The following RBFOX1 variants were observed in gnomAD, a reference collection of about 807,000 sequenced individuals.
The protein encoded by RBFOX1 is RNA binding protein fox-1 homolog 1.
RBFOX1 carries 8 observed loss-of-function variants against 57.7 expected under a neutral mutation model. The ratio of observed to expected loss-of-function variants is 0.14; its 90% CI spans 0.08 to 0.25. The LOEUF (loss-of-function observed/expected upper bound fraction) is 0.25. Ranked by LOEUF, RBFOX1 falls within the 10% of genes least tolerant of loss-of-function variation. The probability of loss-of-function intolerance (pLI) is 1.00; values close to 1 mark genes in which losing one functional copy is unlikely to be tolerated. For synonymous variants in RBFOX1, 326 were observed against 222.4 expected, an observed-to-expected ratio of 1.47 and a Z score of -4.15; for missense variants, 611 against 548.5, an observed-to-expected ratio of 1.11 and a Z score of -1.14.
At chr16:6,860,029 G>A (rs568240764) in intron 3 of RBFOX1, among the ~76,000 whole-genome samples, 1 of 152,274 alleles carries the variant, frequency 6.6e-6, no homozygotes, top group South Asian at 2.1e-4. Context: ...CACCACAAGG[G>A]TACCTGATGG....
chr16:6,973,905 T>C (rs2153574445), intron 3 of RBFOX1, among the ~76,000 whole-genome samples: 1 of 152,286 alleles, frequency 6.6e-6, no homozygotes, highest in Non-Finnish European at 1.5e-5. Flanking sequence ...CAGCATACAT[T>C]AGCTTTTATC....
At chr16:6,766,029 G>T (rs58392280) in intron 3 of RBFOX1, among the ~76,000 whole-genome samples, 77 of 152,102 alleles carry the variant, frequency 5.1e-4, no homozygotes, top group African/African-American at 1.8e-3. Context: ...TTAGTACAAC[G>T]TACACTACTC....
At chr16:7,166,656 G>T (rs1011396590) in intron 4 of RBFOX1, among the ~76,000 whole-genome samples, 1 of 152,114 alleles carries the variant, frequency 6.6e-6, no homozygotes, top group African/African-American at 2.4e-5. Flanking sequence ...TGGTGAGGAA[G>T]GGGTGAGTGT....
At chr16:7,636,836 A>C (rs2061840043) in intron 11 of RBFOX1, among the ~76,000 whole-genome samples, 1 of 121,328 alleles carries the variant, frequency 8.2e-6, no homozygotes, top group Admixed American at 8.1e-5. Flanking sequence ...AGACAGAGAC[A>C]GAGAGAAACA....
At chr16:6,961,026 C>G (rs922966808) in intron 3 of RBFOX1, among the ~76,000 whole-genome samples, 2 of 150,762 alleles carry the variant, frequency 1.3e-5, no homozygotes, top group African/African-American at 2.4e-5. Context: ...CAACTATAGT[C>G]CAGCTACTCA....
chr16:6,596,925 A>G (rs2097781735), intron 2 of RBFOX1, among the ~76,000 whole-genome samples: 1 of 152,190 alleles, frequency 6.6e-6, no homozygotes, highest in South Asian at 2.1e-4. Context: ...ACACACACAC[A>G]GCATTAAGTT....
chr16:7,219,273 ATTGTG>A (rs1445839169), intron 4 of RBFOX1, among the ~76,000 whole-genome samples: 1 of 152,218 alleles, frequency 6.6e-6, no homozygotes, highest in African/African-American at 2.4e-5. Context: ...CTTTTGGCAT[ATTGTG>A]CCAAAGTTAA....
At chr16:5,278,890 G>A (rs1455888529) in intron 1 of RBFOX1, among the ~76,000 whole-genome samples, 1 of 152,164 alleles carries the variant, frequency 6.6e-6, no homozygotes, top group African/African-American at 2.4e-5. Flanking sequence ...TTGAAAATCA[G>A]TTAGCTGTAA....
At chr16:6,404,786 G>C (rs187658045) in intron 2 of RBFOX1, among the ~76,000 whole-genome samples, 1 of 152,098 alleles carries the variant, frequency 6.6e-6, no homozygotes. Context: ...AAGAAGAGCA[G>C]ATCTCATCAG....
intron 13 of RBFOX1, among the ~76,000 whole-genome samples, chr16:7,675,764 A>G (rs918289682): frequency 6.6e-6 from 1 of 152,108 alleles, no homozygotes; most frequent in Non-Finnish European, 1.5e-5. Context: ...TTGCCCCTTT[A>G]TGGTGATGGT....
In RBFOX1 at chr16:5,371,620, C is replaced by T. The variant is rs867177991; in HGVS notation, c.220-95596C>T. ...GAATCCTCGTCTAGGAGGTGTGAGC[C>T]GGTGATGTGTACATTTCTGAGTGGT... is the stretch of plus-strand genomic sequence containing the variant. On this transcript the variant is annotated intron_variant, in intron 1 of 2. Coordinates refer to the RBFOX1 transcript ENST00000585867. 4.0e-4 allele frequency among the ~76,000 whole-genome samples: 61 copies of T among 152,276 alleles called. 2 individuals carry two copies. Among genetic ancestry groups the T allele is most frequent in the Middle Eastern group, 6.8e-3 (2 of 294 alleles).
intron 1 of RBFOX1, among the ~76,000 whole-genome samples, chr16:5,316,679 A>C (rs960606324): frequency 6.6e-6 from 1 of 152,336 alleles, no homozygotes; most frequent in East Asian, 1.9e-4. Flanking sequence ...GGATACCCAG[A>C]TAGCTGGTGA....
At chr16:7,550,482 A>T (rs2152542547) in intron 5 of RBFOX1, among the ~76,000 whole-genome samples, 1 of 152,292 alleles carries the variant, frequency 6.6e-6, no homozygotes, top group East Asian at 1.9e-4. Flanking sequence ...ATTTTTAATG[A>T]GGAGCCTGGG....
intron 3 of RBFOX1, among the ~76,000 whole-genome samples, chr16:6,841,538 A>T (rs1249807065): frequency 6.6e-6 from 1 of 152,154 alleles, no homozygotes; most frequent in African/African-American, 2.4e-5. Context: ...ACCTCACGCT[A>T]ATGAGGCGAG....
chr16:6,379,097 G>C (rs904698657), intron 2 of RBFOX1, among the ~76,000 whole-genome samples: 6 of 152,064 alleles, frequency 3.9e-5, no homozygotes, highest in Non-Finnish European at 8.8e-5. Context: ...TTCTAAACTG[G>C]GTATTTGAGT....
intron 4 of RBFOX1, among the ~76,000 whole-genome samples, chr16:7,249,156 G>A (rs566694962): frequency 6.6e-6 from 1 of 152,218 alleles, no homozygotes; most frequent in South Asian, 2.1e-4. Context: ...GAAAGCTGGG[G>A]GTTAGGTGGT....
intron 3 of RBFOX1, among the ~76,000 whole-genome samples, chr16:7,019,499 T>C (rs2094098769): frequency 6.6e-6 from 1 of 152,158 alleles, no homozygotes; most frequent in Admixed American, 6.5e-5. Flanking sequence ...AGCTCTCTTG[T>C]CTGAACCCCT....
intron 3 of RBFOX1, among the ~76,000 whole-genome samples, chr16:6,873,110 A>G (rs1485327903): frequency 6.6e-6 from 1 of 151,626 alleles, no homozygotes; most frequent in African/African-American, 2.4e-5. Flanking sequence ...TACTTGAGAA[A>G]CTTTTAGTTT....
At chr16:6,038,199 A>G (rs1185607295) in intron 1 of RBFOX1, 2 of 144,996 alleles carry the variant, frequency 1.4e-5, no homozygotes, top group African/African-American at 2.6e-5. Context: ...TTTTTTTGAG[A>G]TGGCATCTAA....
Sources: gnomAD v4.1 joint callset for allele counts (sites outside exome capture counted in the v4.1 genomes callset) on GRCh38, gnomAD v4.1.1 for gene constraint, MANE v1.5 for transcripts, NCBI Gene and HGNC (gene_info 2026-07-23, HGNC 2026-07-21) for gene names.